Variants in FSTL5 observed in about 807,000 individuals in gnomAD.
FSTL5 encodes the protein follistatin like 5, also known as follistatin-related protein 5.
Under a neutral mutation model 89.1 loss-of-function variants are expected in FSTL5, and 62 were observed. The observed-to-expected ratio is 0.70, with a 90% CI of 0.57 to 0.86. The LOEUF is 0.86. FSTL5 is among the 40% of genes least tolerant of loss of function. The probability of loss-of-function intolerance (pLI) is 0.00; values close to 1 mark genes in which losing one functional copy is unlikely to be tolerated. For missense variants in FSTL5, 1,057 were observed against 1,001.6 expected, an observed-to-expected ratio of 1.06 and a Z score of -0.75; for synonymous variants, 383 against 346.2, an observed-to-expected ratio of 1.11 and a Z score of -1.18.
chr4:161,682,599 A>G (rs1737562102), intron 6 of FSTL5, among the ~76,000 whole-genome samples: 1 of 59,602 alleles, frequency 1.7e-5, no homozygotes, highest in Non-Finnish European at 4.1e-5. Flanking sequence ...CAGGAACATT[A>G]TCACCATCTT....
chr4:161,873,643 T>A (rs1579159634), intron 4 of FSTL5, among the ~76,000 whole-genome samples: 1 of 149,022 alleles, frequency 6.7e-6, no homozygotes, highest in Admixed American at 6.9e-5. Flanking sequence ...GTCCACTACT[T>A]ATTTTAAACA....
In FSTL5 at chr4:161,783,663, CTCTTTCTTTCTTTCTCTTTCTTTCTT is replaced by C. The variant is rs1399667258; in HGVS notation, c.410-7615_410-7590del. Among the ~76,000 whole-genome samples the C allele has an allele frequency of 6.6e-4, 41 of 61,870 alleles. 8 individuals are homozygous for C. The highest frequency in any genetic ancestry group is 1.3e-3 in the South Asian group (2 of 1,482). The allele number at this position is 61,870 out of a possible 152,430, so 40.6% of individuals were successfully genotyped here. ...TTTCTTTCTCTCTCTTTCTTTCTTTCTCTTTCTTTCTTTCTCTTTCTTTCTTTCTTTCTTTCTTTCTTTCTTTCTTT... is the reference window on the plus strand; with the variant it reads ...TTTCTTTCTCTCTCTTTCTTTCTTTCTCTTTCTTTCTTTCTTTCTTTCTTT... On this transcript the variant is annotated intron_variant, in intron 4 of 15. Transcript: ENST00000306100.
At chr4:161,968,418 T>C (rs1194075517) in intron 3 of FSTL5, among the ~76,000 whole-genome samples, 6 of 152,106 alleles carry the variant, frequency 3.9e-5, no homozygotes, top group Non-Finnish European at 8.8e-5. Context: ...ACACACAGAG[T>C]TGAAAAGCAG....
At chr4:161,531,341 A>G (rs1213484236) in intron 10 of FSTL5, among the ~76,000 whole-genome samples, 3 of 152,174 alleles carry the variant, frequency 2.0e-5, no homozygotes. Flanking sequence ...AAAAAATGTG[A>G]TTGATACTAC....
At chr4:161,715,417 C>G (rs1000474342) in intron 6 of FSTL5, among the ~76,000 whole-genome samples, 8 of 151,936 alleles carry the variant, frequency 5.3e-5, no homozygotes, top group African/African-American at 1.9e-4. Flanking sequence ...AATGACACAC[C>G]CTGTCATTTT....
chr4:161,579,731 C>CAAAAAAA (rs33926609), intron 8 of FSTL5, among the ~76,000 whole-genome samples: 1 of 98,828 alleles, frequency 1.0e-5, no homozygotes. Context: ...CAAAAACAAA[C>CAAAAAAA]AAAAAAAAAA....
chr4:161,881,633 A>C (rs1017908949), intron 4 of FSTL5, among the ~76,000 whole-genome samples: 2 of 152,090 alleles, frequency 1.3e-5, no homozygotes, highest in African/African-American at 4.8e-5. Flanking sequence ...ACTCCAGTGA[A>C]GAAAGTGCAT....
intron 2 of FSTL5, among the ~76,000 whole-genome samples, chr4:162,067,592 C>T (rs1403521429): frequency 6.6e-6 from 1 of 151,986 alleles, no homozygotes; most frequent in Non-Finnish European, 1.5e-5. Flanking sequence ...AACCCACAGC[C>T]AGTATCATAC....
chr4:161,881,727 T>C (rs560394987), intron 4 of FSTL5, among the ~76,000 whole-genome samples: 4 of 152,134 alleles, frequency 2.6e-5, no homozygotes, highest in South Asian at 2.1e-4. Context: ...AACAAACAAA[T>C]AAATCTACTT....
chr4:161,810,905 A>T (rs1446091273), intron 4 of FSTL5, among the ~76,000 whole-genome samples: 1 of 152,166 alleles, frequency 6.6e-6, no homozygotes, highest in African/African-American at 2.4e-5. Flanking sequence ...AATGAGTAAC[A>T]CCACCAATAA....
intron 2 of FSTL5, among the ~76,000 whole-genome samples, chr4:162,055,741 G>A (rs1361840867): frequency 1.3e-5 from 2 of 151,828 alleles, no homozygotes; most frequent in Non-Finnish European, 2.9e-5. Context: ...ACTTCTTATA[G>A]TTTTTACTAC....
chr4:161,842,266 C>T (rs749740133), intron 4 of FSTL5, among the ~76,000 whole-genome samples: 3 of 152,084 alleles, frequency 2.0e-5, no homozygotes, highest in Non-Finnish European at 1.5e-5. Context: ...TAATTTCAAA[C>T]ATCTGTTCTT....
chr4:161,870,478 A>T (rs1732230021), intron 4 of FSTL5, among the ~76,000 whole-genome samples: 1 of 152,116 alleles, frequency 6.6e-6, no homozygotes, highest in Non-Finnish European at 1.5e-5. Context: ...TTGGCTTCTA[A>T]TCTTGACCCT....
chr4:161,492,988 A>G (rs1317175843), intron 12 of FSTL5, among the ~76,000 whole-genome samples: 4 of 151,886 alleles, frequency 2.6e-5, no homozygotes, highest in African/African-American at 9.7e-5. Context: ...CTCCAAACTG[A>G]TATTTGTGAC....
intron 3 of FSTL5, among the ~76,000 whole-genome samples, chr4:161,948,320 A>G (rs1353250164): frequency 6.7e-6 from 1 of 150,356 alleles, no homozygotes; most frequent in Non-Finnish European, 1.5e-5. Flanking sequence ...ACTGAAAAAG[A>G]GTGATGAATC....
At chr4:161,890,075 ATTAG>A (rs144090222) in intron 4 of FSTL5, among the ~76,000 whole-genome samples, 39 of 152,328 alleles carry the variant, frequency 2.6e-4, no homozygotes, top group Non-Finnish European at 2.9e-4. Context: ...GATTTACAAA[ATTAG>A]TACATCTTTA....
At chr4:161,985,809 A>C (rs944683716) in intron 3 of FSTL5, among the ~76,000 whole-genome samples, 2 of 152,058 alleles carry the variant, frequency 1.3e-5, no homozygotes, top group Non-Finnish European at 2.9e-5. Context: ...ATTTATCATT[A>C]CTCAAATACC....
chr4:161,397,543 G>T (rs7659554), intron 15 of FSTL5, among the ~76,000 whole-genome samples: 7,071 of 151,088 alleles, frequency 0.047, 419 homozygotes, highest in East Asian at 0.19. Context: ...AACATAAAAT[G>T]ATATCTATAT....
chr4:161,561,789 A>C (rs899942485), intron 8 of FSTL5, among the ~76,000 whole-genome samples: 2 of 152,024 alleles, frequency 1.3e-5, no homozygotes, highest in African/African-American at 4.8e-5. Flanking sequence ...ATTTCCACTT[A>C]GGGTGGGTCA....
Sources: allele counts gnomAD v4.1 joint callset (sites outside exome capture counted in the v4.1 genomes callset), GRCh38; gene constraint gnomAD v4.1.1; transcripts MANE v1.5; gene names NCBI Gene and HGNC (gene_info 2026-07-23, HGNC 2026-07-21).